Variants in POU2F1 observed in about 807,000 individuals in gnomAD.
POU2F1 encodes POU class 2 homeobox 1, also known as POU domain, class 2, transcription factor 1.
In POU2F1, 16 loss-of-function variants were observed where a neutral mutation model predicts 84.9. The observed-to-expected ratio is 0.19, with a 90% CI of 0.13 to 0.29. POU2F1 has a LOEUF of 0.29. Among genes scored for constraint, POU2F1 ranks in the 10% least tolerant of loss-of-function variants. POU2F1 has a pLI of 1.00. For synonymous variants in POU2F1, 368 were observed against 368.3 expected, an observed-to-expected ratio of 1.00 and a Z score of 0.01; for missense variants, 738 against 942.6, an observed-to-expected ratio of 0.78 and a Z score of 2.84.
At chr1:167,306,611 G>A (rs1482649094) in intron 1 of POU2F1, among the ~76,000 whole-genome samples, 2 of 152,066 alleles carry the variant, frequency 1.3e-5, no homozygotes, top group South Asian at 2.1e-4. Flanking sequence ...GCCGTAACAC[G>A]GTACTACAAA....
chr1:167,268,574 T>C (rs532227868), intron 1 of POU2F1, among the ~76,000 whole-genome samples: 117 of 152,326 alleles, frequency 7.7e-4, no homozygotes, highest in Non-Finnish European at 1.3e-3. Context: ...TTTCTATTGT[T>C]GTCCACATGC....
chr1:167,371,143 C>T (rs972651147), intron 4 of POU2F1, among the ~76,000 whole-genome samples: 1 of 152,036 alleles, frequency 6.6e-6, no homozygotes. Flanking sequence ...GGAGAGGAGG[C>T]GGAAAATTGC....
intron 2 of POU2F1, among the ~76,000 whole-genome samples, chr1:167,360,672 C>G (rs1486331673): frequency 6.6e-6 from 1 of 152,010 alleles, no homozygotes; most frequent in Non-Finnish European, 1.5e-5. Context: ...CTTGGCTATT[C>G]AGGCTCTTTT....
intron 2 of POU2F1, among the ~76,000 whole-genome samples, chr1:167,350,673 CAAAA>C (rs56240224): frequency 3.4e-5 from 2 of 58,716 alleles, no homozygotes; most frequent in Non-Finnish European, 3.8e-5. Flanking sequence ...GACTCCATCT[CAAAA>C]AAAAAAAAAA....
At chr1:167,370,664 T>C (rs1295525124) in intron 4 of POU2F1, among the ~76,000 whole-genome samples, 1 of 152,220 alleles carries the variant, frequency 6.6e-6, no homozygotes, top group Non-Finnish European at 1.5e-5. Context: ...ACTGACTAGC[T>C]GTGTGACCTT....
chr1:167,389,742 T>C lies in POU2F1; in HGVS notation c.968T>C (p.Ile323Thr). 1 of 1,613,674 alleles carries C rather than the reference T, an allele frequency of 6.2e-7. No individual in the cohort carries two copies. Among genetic ancestry groups the C allele is most frequent in the Non-Finnish European group, 8.5e-7 (1 of 1,179,834 alleles). The change falls in exon 9 of 16, where the codon ATC (isoleucine) becomes ACC (threonine). Residue 323 changes from isoleucine (I) to threonine (T), a missense_variant. Physicochemically the swap from Ile to Thr is moderately conservative, Grantham distance 89 (BLOSUM62 -1). Around this residue, in one of 4 missense-constraint regions of POU2F1, gnomAD observed 95 missense variants for 195.1 expected, o/e 0.49. Coordinates refer to ENST00000367866, the MANE Select transcript of POU2F1 (RefSeq NM_002697.4). The part of the protein sequence containing the change: ...QFAKTFKQRR[I>T]KLGFTQGDVG... ...GCCAAGACCTTCAAACAAAGACGAA[T>C]CAAACTTGGATTCACTCAGGTAGGG... is the stretch of plus-strand genomic sequence containing the variant.
chr1:167,377,690 TC>T (rs1660422791), intron 7 of POU2F1, among the ~76,000 whole-genome samples: 1 of 152,244 alleles, frequency 6.6e-6, no homozygotes, highest in Non-Finnish European at 1.5e-5. Context: ...ACTATTAGGT[TC>T]AGGGTTACAC....
chr1:167,256,880 A>C (rs1490685554), intron 1 of POU2F1, among the ~76,000 whole-genome samples: 1 of 152,206 alleles, frequency 6.6e-6, no homozygotes, highest in South Asian at 2.1e-4. Flanking sequence ...ATTTTGAGGC[A>C]GTCATAATTT....
At chr1:167,362,658 A>G (rs1482154706) in intron 2 of POU2F1, among the ~76,000 whole-genome samples, 1 of 152,160 alleles carries the variant, frequency 6.6e-6, no homozygotes, top group East Asian at 1.9e-4. Flanking sequence ...ATTAGAGGGG[A>G]AAGCTACCCA....
chr1:167,295,820 T>G (rs1369391110), intron 1 of POU2F1, among the ~76,000 whole-genome samples: 3 of 152,152 alleles, frequency 2.0e-5, no homozygotes, highest in Non-Finnish European at 4.4e-5. Flanking sequence ...CCAGGGAGAA[T>G]AGGGAACCTC....
chr1:167,334,327 A>G (rs1011104148), intron 2 of POU2F1, among the ~76,000 whole-genome samples: 1 of 151,654 alleles, frequency 6.6e-6, no homozygotes, highest in East Asian at 1.9e-4. Flanking sequence ...TGCCCAGCTA[A>G]TTTTTTGTAT....
At chr1:167,345,539 G>A (rs1292160921) in intron 2 of POU2F1, among the ~76,000 whole-genome samples, 1 of 152,196 alleles carries the variant, frequency 6.6e-6, no homozygotes, top group Non-Finnish European at 1.5e-5. Context: ...GCTGACATCA[G>A]ATAAACTCAG....
chr1:167,283,688 G>A (rs1235148275), intron 1 of POU2F1, among the ~76,000 whole-genome samples: 1 of 152,182 alleles, frequency 6.6e-6, no homozygotes, highest in African/African-American at 2.4e-5. Flanking sequence ...TTGTGTTTGA[G>A]AAGTTGGACA....
At chr1:167,283,754 A>C (rs1405164441) in intron 1 of POU2F1, among the ~76,000 whole-genome samples, 1 of 152,160 alleles carries the variant, frequency 6.6e-6, no homozygotes, top group South Asian at 2.1e-4. Context: ...AGAATTTGCT[A>C]TTTTCTATAG....
chr1:167,318,612 C>CAT (rs1405607131), intron 1 of POU2F1, among the ~76,000 whole-genome samples: 1 of 152,156 alleles, frequency 6.6e-6, no homozygotes, highest in Non-Finnish European at 1.5e-5. Context: ...GACCAGAAAG[C>CAT]ATGTGTAACT....
chr1:167,221,261 T>G (rs1648127803), intron 1 of POU2F1, among the ~76,000 whole-genome samples: 1 of 150,406 alleles, frequency 6.6e-6, no homozygotes, highest in Non-Finnish European at 1.5e-5. Context: ...CCTCCTCCTC[T>G]GCCGGCCGCC....
chr1:167,333,425 T>C (rs1657211890), intron 2 of POU2F1, among the ~76,000 whole-genome samples: 1 of 152,150 alleles, frequency 6.6e-6, no homozygotes, highest in African/African-American at 2.4e-5. Flanking sequence ...AAACTAGGTT[T>C]TTCGCTTGCA....
intron 6 of POU2F1, among the ~76,000 whole-genome samples, chr1:167,375,165 TG>T (rs1479459922): frequency 6.6e-6 from 1 of 152,230 alleles, no homozygotes; most frequent in African/African-American, 2.4e-5. Context: ...TGAGTCTAAT[TG>T]TTAGACAGCT....
intron 1 of POU2F1, among the ~76,000 whole-genome samples, chr1:167,265,685 C>T (rs980096174): frequency 4.6e-5 from 7 of 151,904 alleles, no homozygotes; most frequent in East Asian, 1.9e-4. Context: ...AGTCTCTTGC[C>T]GTACCCTCCC....
Sources: allele counts gnomAD v4.1 joint callset (sites outside exome capture counted in the v4.1 genomes callset), GRCh38; gene constraint gnomAD v4.1.1; regional missense constraint gnomAD v4.1.1; transcripts MANE v1.5; gene names NCBI Gene and HGNC (gene_info 2026-07-23, HGNC 2026-07-21).